DLGAP2: variants seen among roughly 807,000 people sequenced by gnomAD.
The protein encoded by DLGAP2 is disks large-associated protein 2.
DLGAP2 carries 26 observed loss-of-function variants against 100.3 expected under a neutral mutation model. The ratio of observed to expected loss-of-function variants is 0.26; its 90% CI spans 0.19 to 0.36. DLGAP2 has a LOEUF of 0.36. Ranked by LOEUF, DLGAP2 falls within the 10% of genes least tolerant of loss-of-function variation. The pLI, the probability that DLGAP2 is intolerant of heterozygous loss-of-function variation, is 1.00. For missense variants in DLGAP2, 1,858 were observed against 1,453.2 expected (o/e 1.28, Z -4.53); for synonymous variants, 886 against 630.1 (o/e 1.41, Z -6.08).
intron 2 of DLGAP2, among the ~76,000 whole-genome samples, chr8:1,077,152 TCTC>T (rs1472245476): frequency 6.6e-6 from 1 of 152,206 alleles, no homozygotes; most frequent in African/African-American, 2.4e-5. Context: ...CATGCAGTGT[TCTC>T]CATGTGTGTC....
Position 1,704,548 on chromosome 8 carries a change from G to A in DLGAP2, c.*3142G>A, listed in dbSNP as rs1035450137. 1.3e-5 allele frequency: 2 copies of A among 152,102 alleles called. No homozygotes were observed. Among genetic ancestry groups the A allele is most frequent in the Non-Finnish European group, 2.9e-5 (2 of 68,020 alleles). 9.4% of individuals were successfully genotyped at this position (152,102 alleles called of 1,614,324 possible). ...GTTTGAAGTAAAACTAGTTGTTATC[G>A]ATGACAATTTTTACCATAGTTTTCT... On this transcript the variant is annotated 3_prime_UTR_variant, in exon 15 of 15. Transcript: ENST00000637795.
At chr8:1,155,343 C>T (rs777008388) in intron 2 of DLGAP2, among the ~76,000 whole-genome samples, 11 of 152,200 alleles carry the variant, frequency 7.2e-5, no homozygotes, top group East Asian at 1.9e-4. Flanking sequence ...CCGCTTCCTG[C>T]GAGGGGCATC....
intron 2 of DLGAP2, among the ~76,000 whole-genome samples, chr8:1,239,975 C>T (rs1403217543): frequency 1.7e-4 from 23 of 137,970 alleles, no homozygotes; most frequent in South Asian, 4.9e-4. Context: ...TCACACATAG[C>T]GTCTTGTCTA....
chr8:759,053 C>A (rs1265305639), intron 1 of DLGAP2, among the ~76,000 whole-genome samples: 11 of 147,282 alleles, frequency 7.5e-5, no homozygotes, highest in African/African-American at 2.5e-4. Flanking sequence ...CAATACCCCC[C>A]ACAACCTTCC....
intron 3 of DLGAP2, among the ~76,000 whole-genome samples, chr8:1,443,615 G>A (rs767325844): frequency 7.2e-5 from 11 of 152,164 alleles, no homozygotes; most frequent in South Asian, 2.1e-4. Flanking sequence ...GAGGCCTCAC[G>A]ATCATGGCAG....
intron 2 of DLGAP2, among the ~76,000 whole-genome samples, chr8:999,623 C>G (rs1285447042): frequency 6.6e-6 from 1 of 151,766 alleles, no homozygotes; most frequent in Admixed American, 6.6e-5. Flanking sequence ...GGATTACAGG[C>G]GCCTGCCATC....
intron 2 of DLGAP2, among the ~76,000 whole-genome samples, chr8:1,144,863 T>C (rs1003853982): frequency 2.8e-5 from 4 of 143,352 alleles, no homozygotes; most frequent in Admixed American, 7.0e-5. Flanking sequence ...ACGGCCTGTA[T>C]GAACAGTCAA....
At chr8:931,930 T>C (rs1050614381) in intron 2 of DLGAP2, among the ~76,000 whole-genome samples, 6 of 152,242 alleles carry the variant, frequency 3.9e-5, no homozygotes, top group African/African-American at 1.4e-4. Flanking sequence ...ACCGAGGGGA[T>C]GTTTGGTCCC....
At chr8:1,252,839 C>T (rs913287373) in intron 2 of DLGAP2, among the ~76,000 whole-genome samples, 3 of 152,190 alleles carry the variant, frequency 2.0e-5, no homozygotes, top group East Asian at 1.9e-4. Context: ...GCCGTGTGCT[C>T]GGAGACTTGG....
At chr8:1,204,773 A>G (rs1208279237) in intron 2 of DLGAP2, among the ~76,000 whole-genome samples, 8 of 152,154 alleles carry the variant, frequency 5.3e-5, no homozygotes, top group Admixed American at 5.2e-4. Flanking sequence ...GGAAGAAAAA[A>G]TCTGAATAAG....
At chr8:1,632,798 G>A (rs1462065549) in intron 7 of DLGAP2, 29 bp from the exon 8 acceptor site, 1 of 1,570,872 alleles carries the variant, frequency 6.4e-7, no homozygotes, top group Non-Finnish European at 8.7e-7. Flanking sequence ...GGAGGGCCGG[G>A]GCATCACGTG....
chr8:1,437,374 G>A (rs1797674159), intron 3 of DLGAP2, among the ~76,000 whole-genome samples: 1 of 152,214 alleles, frequency 6.6e-6, no homozygotes, highest in Admixed American at 6.5e-5. Context: ...CTCTGAATGT[G>A]CCCCCTCATT....
intron 3 of DLGAP2, among the ~76,000 whole-genome samples, chr8:1,452,813 A>G (rs530864081): frequency 2.1e-4 from 32 of 152,262 alleles, no homozygotes; most frequent in Admixed American, 1.8e-3. Context: ...ACGCAGGTCT[A>G]TGGATCCCAG....
intron 1 of DLGAP2, among the ~76,000 whole-genome samples, chr8:841,578 A>AT (rs989507151): frequency 5.9e-4 from 88 of 150,418 alleles, no homozygotes; most frequent in African/African-American, 1.1e-3. Flanking sequence ...AATACATGTG[A>AT]TTTTTTTTTT....
chr8:1,572,240 G>A (rs1802744863), intron 6 of DLGAP2, among the ~76,000 whole-genome samples: 2 of 131,280 alleles, frequency 1.5e-5, no homozygotes, highest in Non-Finnish European at 3.2e-5. Flanking sequence ...AGAGGAGAGG[G>A]GGTGAACTAT....
chr8:1,590,656 T>C (rs1796263321), intron 6 of DLGAP2, among the ~76,000 whole-genome samples: 1 of 152,264 alleles, frequency 6.6e-6, no homozygotes, highest in African/African-American at 2.4e-5. Context: ...AATTCCACTT[T>C]AATTTCATGA....
chr8:1,277,090 A>T (rs1030722277), intron 3 of DLGAP2, among the ~76,000 whole-genome samples: 2 of 152,306 alleles, frequency 1.3e-5, no homozygotes, highest in East Asian at 3.9e-4. Context: ...ACCTTCTGGA[A>T]TATTATGTCC....
At chr8:1,317,309 A>C (rs1379765186) in intron 3 of DLGAP2, among the ~76,000 whole-genome samples, 18 of 138,278 alleles carry the variant, frequency 1.3e-4, no homozygotes, top group African/African-American at 4.8e-4. Context: ...AGCTTTTAAA[A>C]ATAGAGGCTG....
At chr8:1,672,990 A>G (rs999506892) in intron 10 of DLGAP2, among the ~76,000 whole-genome samples, 1 of 152,206 alleles carries the variant, frequency 6.6e-6, no homozygotes, top group Non-Finnish European at 1.5e-5. Context: ...CAGCAGCCCT[A>G]CAGAAGCTGG....
Sources: allele counts gnomAD v4.1 joint callset (sites outside exome capture counted in the v4.1 genomes callset), GRCh38; gene constraint gnomAD v4.1.1; transcripts MANE v1.5; gene names NCBI Gene and HGNC (gene_info 2026-07-23, HGNC 2026-07-21).